LRP6: variants seen among roughly 807,000 people sequenced by gnomAD.
LRP6 encodes low-density lipoprotein receptor-related protein 6.
A neutral mutation model predicts 184.1 loss-of-function variants in LRP6; 43 were observed. The observed-to-expected ratio is 0.23, with a 90% CI of 0.18 to 0.30. LRP6 has a LOEUF of 0.30. Among genes scored for constraint, LRP6 ranks in the 10% least tolerant of loss-of-function variants. The pLI is 1.00. For missense variants in LRP6, 1,571 were observed against 2,005.3 expected, an observed-to-expected ratio of 0.78 and a Z score of 4.14; for synonymous variants, 719 against 684.9, an observed-to-expected ratio of 1.05 and a Z score of -0.78.
At chr12:12,158,698 A>T in intron 12 of LRP6, 131 bp downstream of exon 12, 1 of 843,868 alleles carries the variant, frequency 1.2e-6, no homozygotes, top group South Asian at 1.5e-5. Flanking sequence ...GCATTCCCCT[A>T]CCCTTTAACC....
chr12:12,124,772 T>A (rs951326406), intron 21 of LRP6, 110 bp from the exon 22 acceptor site: 3 of 693,316 alleles, frequency 4.3e-6, no homozygotes, highest in Non-Finnish European at 7.4e-6. Context: ...AATACACTAT[T>A]AGCACAATTC....
intron 7 of LRP6, among the ~76,000 whole-genome samples, chr12:12,173,967 T>C (rs529507270): frequency 2.0e-5 from 3 of 152,322 alleles, no homozygotes; most frequent in African/African-American, 7.2e-5. Flanking sequence ...CATTCTTCTC[T>C]GATCATATGT....
chr12:12,180,495 A>G (rs1863317580), intron 6 of LRP6, among the ~76,000 whole-genome samples: 1 of 152,112 alleles, frequency 6.6e-6, no homozygotes, highest in Non-Finnish European at 1.5e-5. Flanking sequence ...TGTCCTCAGA[A>G]TAAATCTCAA....
At chr12:12,156,075 A>G (rs1402257851) in intron 12 of LRP6, among the ~76,000 whole-genome samples, 2 of 152,230 alleles carry the variant, frequency 1.3e-5, no homozygotes, top group Admixed American at 6.5e-5. Flanking sequence ...CATAAATAGT[A>G]GAGTATATAA....
chr12:12,123,810 AAATCTTTCACTCCAAATTGT>A (rs1353474772), intron 22 of LRP6, among the ~76,000 whole-genome samples: 3 of 152,224 alleles, frequency 2.0e-5, no homozygotes, highest in Non-Finnish European at 2.9e-5. Flanking sequence ...ACTACATGAG[AAATCTTTCACTCCAAATTGT>A]AATAGCATAT....
Position 12,236,089 on chromosome 12 carries a change from T to C in LRP6, c.449+8173A>G, listed in dbSNP as rs531029379. ...AAAAATGCAAAGAATTAGCCAGGCG[T>C]GGTGGCGGGTGCCTGTAGTCCCAGT... is the stretch of plus-strand genomic sequence containing the variant. On this transcript the variant is annotated intron_variant, in intron 2 of 22. Coordinates refer to ENST00000261349, the MANE Select transcript of LRP6 (RefSeq NM_002336.3). 8.8e-4 allele frequency among the ~76,000 whole-genome samples: 134 copies of C among 151,912 alleles called. 1 individual carries two copies. In the Middle Eastern group the frequency reaches 0.034, roughly 39 times the overall value.
intron 3 of LRP6, among the ~76,000 whole-genome samples, chr12:12,193,953 T>C (rs1282426841): frequency 6.6e-6 from 1 of 152,070 alleles, no homozygotes; most frequent in African/African-American, 2.4e-5. Flanking sequence ...AACAGAATAT[T>C]AGCAAACCAA....
At chr12:12,148,053 T>C (rs1039378977) in intron 14 of LRP6, among the ~76,000 whole-genome samples, 8 of 150,032 alleles carry the variant, frequency 5.3e-5, no homozygotes, top group Admixed American at 2.7e-4. Context: ...TATAAATAAA[T>C]GTGTATAGAT....
At chr12:12,138,772 C>A (rs1026202392) in intron 15 of LRP6, 5 of 1,487,878 alleles carry the variant, frequency 3.4e-6, no homozygotes, top group Non-Finnish European at 4.5e-6. Context: ...TATTCTAGTT[C>A]ATAGAAATGT....
intron 22 of LRP6, among the ~76,000 whole-genome samples, chr12:12,121,674 G>C (rs777596410): frequency 6.6e-6 from 1 of 152,134 alleles, no homozygotes; most frequent in South Asian, 2.1e-4. Flanking sequence ...ATTCAATCTA[G>C]CCTCTGGTTG....
chr12:12,265,652 T>C (rs1182673482), intron 1 of LRP6, among the ~76,000 whole-genome samples: 3 of 152,170 alleles, frequency 2.0e-5, no homozygotes, highest in African/African-American at 7.2e-5. Context: ...CAAGCCACCG[T>C]ATCGAGCAGT....
intron 7 of LRP6, among the ~76,000 whole-genome samples, chr12:12,167,018 G>C (rs1484890525): frequency 2.0e-5 from 3 of 152,170 alleles, no homozygotes; most frequent in Admixed American, 6.5e-5. Context: ...CAGATTGCTT[G>C]AGCCCAGGAG....
At chr12:12,220,062 G>C (rs1295918784) in intron 2 of LRP6, among the ~76,000 whole-genome samples, 1 of 152,020 alleles carries the variant, frequency 6.6e-6, no homozygotes, top group African/African-American at 2.4e-5. Context: ...TGAGGCGGGC[G>C]GATCACCTGA....
intron 2 of LRP6, among the ~76,000 whole-genome samples, chr12:12,238,032 T>C (rs985475548): frequency 4.6e-5 from 7 of 152,170 alleles, no homozygotes; most frequent in Non-Finnish European, 8.8e-5. Context: ...CAACTTTTTT[T>C]CCAAGTCTAA....
intron 19 of LRP6, among the ~76,000 whole-genome samples, chr12:12,129,308 A>ATTG (rs1436767190): frequency 2.0e-5 from 3 of 152,040 alleles, no homozygotes. Context: ...TCCACTCCCC[A>ATTG]TTGTTAATAT....
intron 7 of LRP6, among the ~76,000 whole-genome samples, chr12:12,168,058 A>T (rs908745851): frequency 3.3e-5 from 5 of 152,316 alleles, no homozygotes; most frequent in Admixed American, 2.0e-4. Context: ...AACAAAAAAG[A>T]ACAAATATTT....
At chr12:12,124,702 T>C (rs201308229) in intron 21 of LRP6, 40 bp from the exon 22 acceptor site, 2 of 1,257,854 alleles carry the variant, frequency 1.6e-6, no homozygotes, top group Admixed American at 1.8e-5. Flanking sequence ...AATAACAACA[T>C]AGAAACTATC....
intron 1 of LRP6, among the ~76,000 whole-genome samples, chr12:12,246,321 T>C (rs1234863694): frequency 6.6e-6 from 1 of 151,974 alleles, no homozygotes; most frequent in Non-Finnish European, 1.5e-5. Context: ...TTTTATATAA[T>C]CTTAATTCAT....
At chr12:12,147,952 G>C (rs1181490895) in intron 14 of LRP6, among the ~76,000 whole-genome samples, 1 of 151,520 alleles carries the variant, frequency 6.6e-6, no homozygotes, top group Non-Finnish European at 1.5e-5. Context: ...TCTAGCCTGG[G>C]TGATCGAGCC....
Sources: gnomAD v4.1 joint callset for allele counts (sites outside exome capture counted in the v4.1 genomes callset) on GRCh38, gnomAD v4.1.1 for gene constraint, MANE v1.5 for transcripts, NCBI Gene and HGNC (gene_info 2026-07-23, HGNC 2026-07-21) for gene names.